Variants in ABCC12 observed in about 807,000 individuals in gnomAD.
ABCC12 encodes the protein ATP-binding cassette sub-family C member 12.
A neutral mutation model predicts 151.1 loss-of-function variants in ABCC12; 142 were observed. The ratio of observed to expected loss-of-function variants is 0.94; its 90% CI spans 0.82 to 1.08. The LOEUF (loss-of-function observed/expected upper bound fraction) is 1.08. Among genes scored for constraint, ABCC12 ranks in the 50% least tolerant of loss-of-function variants. ABCC12 has a pLI of 0.00. For missense variants in ABCC12, 1,638 were observed against 1,691.1 expected, an observed-to-expected ratio of 0.97 and a Z score of 0.55; for synonymous variants, 645 against 646.4, an observed-to-expected ratio of 1.00 and a Z score of 0.03.
At chr16:48,155,082 C>G (rs1414286191) in intron 1 of ABCC12, among the ~76,000 whole-genome samples, 3 of 152,166 alleles carry the variant, frequency 2.0e-5, no homozygotes, top group African/African-American at 7.2e-5. Flanking sequence ...GATCAGAAAG[C>G]CCTGTGAGTG....
chr16:48,132,919 G>A (rs1379476760), intron 9 of ABCC12, among the ~76,000 whole-genome samples: 1 of 152,142 alleles, frequency 6.6e-6, no homozygotes, highest in Non-Finnish European at 1.5e-5. Flanking sequence ...TTTGCTATAA[G>A]TCATAGCTAC....
intron 25 of ABCC12, 63 bp from the exon 26 acceptor site, chr16:48,088,797 T>C (rs1056978079): frequency 1.1e-4 from 149 of 1,401,184 alleles, no homozygotes; most frequent in Non-Finnish European, 1.4e-4. Flanking sequence ...ATTTAACTAA[T>C]TCATTCATTG....
intron 24 of ABCC12, among the ~76,000 whole-genome samples, chr16:48,094,851 A>G (rs1052804199): frequency 2.0e-5 from 3 of 152,210 alleles, no homozygotes; most frequent in African/African-American, 7.2e-5. Flanking sequence ...ATTTCCCATC[A>G]GGAGACACCT....
At chr16:48,106,880 T>A (rs1025761082) in intron 20 of ABCC12, among the ~76,000 whole-genome samples, 1 of 152,180 alleles carries the variant, frequency 6.6e-6, no homozygotes, top group East Asian at 1.9e-4. Flanking sequence ...TGCTTGCCCA[T>A]CCTGTTCATG....
chr16:48,125,254 C>G (rs886550009), intron 11 of ABCC12, among the ~76,000 whole-genome samples: 1 of 152,190 alleles, frequency 6.6e-6, no homozygotes, highest in African/African-American at 2.4e-5. Flanking sequence ...GCAAACGGAA[C>G]TCAACCCTGC....
intron 12 of ABCC12, among the ~76,000 whole-genome samples, chr16:48,122,502 G>T (rs770399645): frequency 6.6e-6 from 1 of 152,284 alleles, no homozygotes; most frequent in East Asian, 1.9e-4. Flanking sequence ...ACCCCTCATC[G>T]TGGGCATCCA....
chr16:48,082,017 A>C lies in ABCC12; in HGVS notation c.*1698T>G, dbSNP rs1053098982. Among the ~76,000 whole-genome samples, 14 of 152,202 alleles carry C rather than the reference A, an allele frequency of 9.2e-5. No individual in the cohort carries two copies. The highest frequency in any genetic ancestry group is 5.9e-4 in the Admixed American group (9 of 15,282). On this transcript the variant is annotated 3_prime_UTR_variant, in exon 31 of 31. Transcript: ENST00000311303. ...GTGATGCCCACACTCAGCTGGGAGC[A>C]GCTGCTCAGAACGCTGTGGATGTGG... is the stretch of plus-strand genomic sequence containing the variant.
intron 11 of ABCC12, 94 bp downstream of exon 11, chr16:48,128,365 A>C (rs1597318539): frequency 6.6e-7 from 1 of 1,520,540 alleles, no homozygotes; most frequent in Non-Finnish European, 8.9e-7. Context: ...CACCACCTTC[A>C]GCTCTAACTG....
In ABCC12 at chr16:48,141,204, A is replaced by T. The variant is rs766303490; in HGVS notation, c.423+2T>A. Reference sequence around the variant, plus strand: ...ATGAGGAGGAAGGGCTGCCGCACTCACCGGCCCTATGGCTGCCATGATGAT... The same window carrying T: ...ATGAGGAGGAAGGGCTGCCGCACTCTCCGGCCCTATGGCTGCCATGATGAT... On this transcript the variant is annotated splice_donor_variant, in intron 5 of 30. Transcript: ENST00000311303. LOFTEE classifies it high-confidence loss of function. The T allele has an allele frequency of 1.2e-6, 2 of 1,613,428 alleles. No homozygotes were observed. Among genetic ancestry groups the T allele is most frequent in the Non-Finnish European group, 1.7e-6 (2 of 1,179,576 alleles).
intron 13 of ABCC12, among the ~76,000 whole-genome samples, chr16:48,118,639 C>T (rs1374684736): frequency 6.6e-6 from 1 of 152,206 alleles, no homozygotes; most frequent in Non-Finnish European, 1.5e-5. Context: ...ACAGACCTTC[C>T]CAATAAAGAG....
intron 4 of ABCC12, among the ~76,000 whole-genome samples, chr16:48,142,657 C>A (rs1385259024): frequency 6.6e-6 from 1 of 152,194 alleles, no homozygotes; most frequent in South Asian, 2.1e-4. Context: ...AGGCCTTCCC[C>A]ATTCTTTATA....
intron 2 of ABCC12, among the ~76,000 whole-genome samples, chr16:48,149,838 T>A (rs1456468521): frequency 6.6e-6 from 1 of 152,158 alleles, no homozygotes; most frequent in Non-Finnish European, 1.5e-5. Flanking sequence ...ATATGCTCAA[T>A]CTCTGAGTAT....
At chr16:48,097,047 ATAGCAAACTC>A (rs1479201499) in intron 23 of ABCC12, 145 bp from the exon 24 acceptor site, 10 of 899,616 alleles carry the variant, frequency 1.1e-5, no homozygotes, top group Non-Finnish European at 1.8e-5. Context: ...ACACTCTCAC[ATAGCAAACTC>A]TTACAAAAAT....
At position 48,083,520 on chromosome 16, in the gene ABCC12, C is replaced by A; in HGVS notation, c.*195G>T. ...GTCTGCCCCGGTTCACCACCCAGAA[C>A]CAACCCCAAGCCCACCAAGTGGGGT... On this transcript the variant is annotated 3_prime_UTR_variant, in exon 31 of 31. Coordinates refer to ENST00000311303, the MANE Select transcript of ABCC12 (RefSeq NM_001393797.1). 2 of 651,452 alleles carry A rather than the reference C, an allele frequency of 3.1e-6. No homozygotes were observed. The highest frequency in any genetic ancestry group is 5.3e-6 in the Non-Finnish European group (2 of 379,974). 40.4% of individuals were successfully genotyped at this position (651,452 alleles called of 1,614,324 possible). A position where few individuals can be genotyped will look rare whatever the true frequency, so the allele number is the denominator to read the frequency against.
intron 15 of ABCC12, among the ~76,000 whole-genome samples, chr16:48,112,446 A>G (rs968747107): frequency 1.3e-5 from 2 of 152,128 alleles, no homozygotes; most frequent in African/African-American, 4.8e-5. Flanking sequence ...AAATACAAAA[A>G]GTAGCTGGGT....
chr16:48,137,948 T>C (rs1049452122), intron 8 of ABCC12, among the ~76,000 whole-genome samples: 36 of 151,976 alleles, frequency 2.4e-4, no homozygotes, highest in African/African-American at 8.5e-4. Context: ...ACAATGTTTT[T>C]AGTGGATTAT....
chr16:48,107,773 AG>A, intron 19 of ABCC12, among the ~76,000 whole-genome samples: 1 of 152,246 alleles, frequency 6.6e-6, no homozygotes, highest in East Asian at 1.9e-4. Flanking sequence ...AAGCTGAGGC[AG>A]GCGGATCACC....
chr16:48,087,053 C>T, intron 27 of ABCC12: 4 of 461,072 alleles, frequency 8.7e-6, no homozygotes. Context: ...CAGGCAATGA[C>T]AGGTGGAACC....
intron 24 of ABCC12, among the ~76,000 whole-genome samples, chr16:48,094,750 T>G (rs925461660): frequency 1.3e-5 from 2 of 152,224 alleles, no homozygotes; most frequent in Non-Finnish European, 2.9e-5. Flanking sequence ...GTCTTGCATT[T>G]GGGTACCTAA....
Sources: gnomAD v4.1 joint callset for allele counts (sites outside exome capture counted in the v4.1 genomes callset) on GRCh38, gnomAD v4.1.1 for gene constraint, MANE v1.5 for transcripts, NCBI Gene and HGNC (gene_info 2026-07-23, HGNC 2026-07-21) for gene names.